The following DISC1 variants were observed in gnomAD, a reference collection of about 807,000 sequenced individuals.
The protein encoded by DISC1 is DISC1 scaffold protein, also known as disrupted in schizophrenia 1 protein.
DISC1 carries 57 observed loss-of-function variants against 84.5 expected under a neutral mutation model. The ratio of observed to expected loss-of-function variants is 0.67; its 90% CI spans 0.55 to 0.84. DISC1 has a LOEUF of 0.84. Among genes scored for constraint, DISC1 ranks in the 40% least tolerant of loss-of-function variants. The pLI is 0.00. For synonymous variants in DISC1, 411 were observed against 415.2 expected, an observed-to-expected ratio of 0.99 and a Z score of 0.12; for missense variants, 1,000 against 1,057.8, an observed-to-expected ratio of 0.95 and a Z score of 0.76.
At chr1:232,035,005 C>T (rs1209995018) in intron 12 of DISC1, among the ~76,000 whole-genome samples, 1 of 152,132 alleles carries the variant, frequency 6.6e-6, no homozygotes, top group Non-Finnish European at 1.5e-5. Flanking sequence ...AGAACCCTAG[C>T]AGTAAATGCA....
chr1:231,935,780 G>A (rs902439241), intron 9 of DISC1, among the ~76,000 whole-genome samples: 1 of 152,170 alleles, frequency 6.6e-6, no homozygotes, highest in East Asian at 1.9e-4. Flanking sequence ...AAATGTGGAC[G>A]TGCACAATGG....
intron 9 of DISC1, among the ~76,000 whole-genome samples, chr1:231,868,692 T>TTATATATATATATATATA (rs58636016): frequency 9.4e-4 from 102 of 108,806 alleles, no homozygotes; most frequent in Non-Finnish European, 1.4e-3. Context: ...ACCCCATCTC[T>TTATATATATATATATATA]TATATATATA....
chr1:231,791,054 G>A (rs980676862), intron 6 of DISC1, among the ~76,000 whole-genome samples: 1 of 152,194 alleles, frequency 6.6e-6, no homozygotes. Flanking sequence ...ATCTGCTGCT[G>A]ATGTGCGTTC....
At chr1:231,803,374 A>G (rs1283566353) in intron 8 of DISC1, among the ~76,000 whole-genome samples, 1 of 152,194 alleles carries the variant, frequency 6.6e-6, no homozygotes, top group Non-Finnish European at 1.5e-5. Flanking sequence ...TTGAAACAAC[A>G]AACCTTTATC....
At chr1:231,997,568 C>T (rs982188743) in intron 10 of DISC1, among the ~76,000 whole-genome samples, 3 of 152,074 alleles carry the variant, frequency 2.0e-5, no homozygotes, top group Admixed American at 6.6e-5. Context: ...AGAAACAAAC[C>T]CCTGCTGGCA....
chr1:231,840,502 C>G (rs1483818437), intron 9 of DISC1, among the ~76,000 whole-genome samples: 6 of 152,074 alleles, frequency 3.9e-5, no homozygotes. Flanking sequence ...TACACAACAA[C>G]CTGGCTGCAT....
At chr1:231,631,834 A>T (rs1189399814) in intron 1 of DISC1, among the ~76,000 whole-genome samples, 2 of 152,194 alleles carry the variant, frequency 1.3e-5, no homozygotes, top group Non-Finnish European at 2.9e-5. Context: ...AAATGAATTT[A>T]GTATAGCCTA....
intron 1 of DISC1, among the ~76,000 whole-genome samples, chr1:231,692,542 A>T (rs1195090439): frequency 1.3e-5 from 2 of 152,244 alleles, no homozygotes; most frequent in Non-Finnish European, 2.9e-5. Flanking sequence ...ATCTCGGCTT[A>T]ACAGGACAAA....
intron 10 of DISC1, among the ~76,000 whole-genome samples, chr1:232,008,080 G>A (rs953639015): frequency 5.9e-5 from 9 of 152,176 alleles, no homozygotes; most frequent in African/African-American, 2.2e-4. Context: ...TGAACTGTGA[G>A]TCAATTAAAC....
intron 1 of DISC1, among the ~76,000 whole-genome samples, chr1:231,636,415 G>C (rs1572356793): frequency 6.6e-6 from 1 of 152,164 alleles, no homozygotes; most frequent in Non-Finnish European, 1.5e-5. Flanking sequence ...TCGGCCTTGG[G>C]GACAGGAGGA....
At chr1:231,963,488 C>A (rs1215931153) in intron 10 of DISC1, among the ~76,000 whole-genome samples, 1 of 152,154 alleles carries the variant, frequency 6.6e-6, no homozygotes, top group Non-Finnish European at 1.5e-5. Flanking sequence ...TTTGCTCCCC[C>A]ACCCCTCTGC....
chr1:231,762,243 CT>C (rs2075784877), intron 4 of DISC1, among the ~76,000 whole-genome samples: 14 of 13,982 alleles, frequency 1.0e-3, no homozygotes, highest in East Asian at 3.6e-3. Context: ...CTTTTCTTTT[CT>C]TTTCTTTTCT....
intron 10 of DISC1, among the ~76,000 whole-genome samples, chr1:231,993,474 G>T (rs1665498796): frequency 6.6e-6 from 1 of 152,074 alleles, no homozygotes; most frequent in Non-Finnish European, 1.5e-5. Flanking sequence ...ATGTGGAGTA[G>T]TACTGGAAAT....
Position 231,749,951 on chromosome 1 carries a change from A to G in DISC1, c.1143A>G (p.Glu381=), listed in dbSNP as rs936887548. ...DKAETLQQRL[E]DLEQEKISLH... ...CTGAGACGTTACAACAAAGATTAGA[A>G]GACCTGGAACAAGAGAAAATCAGCC... The change falls in exon 4 of 13, where the codon GAA becomes GAG. Residue 381 remains glutamate, a synonymous_variant. Coordinates refer to ENST00000439617, the MANE Select transcript of DISC1 (RefSeq NM_018662.3). 1.1e-5 allele frequency: 18 copies of G among 1,614,118 alleles called. No individual in the cohort carries two copies. Among genetic ancestry groups the G allele is most frequent in the African/African-American group, 2.7e-5 (2 of 74,950 alleles).
intron 9 of DISC1, among the ~76,000 whole-genome samples, chr1:231,910,310 G>A (rs941683912): frequency 1.3e-5 from 2 of 152,142 alleles, no homozygotes; most frequent in African/African-American, 4.8e-5. Flanking sequence ...TTGTGGGCAT[G>A]TAGTGCTATA....
rs2087752905 is a variant in DISC1 at position 231,897,086 on chromosome 1, G to A, written c.1982-61742G>A. Among the ~76,000 whole-genome samples, 1 of 152,204 alleles carries A rather than the reference G, an allele frequency of 6.6e-6. No individual in the cohort carries two copies. The highest frequency in any genetic ancestry group is 1.5e-5 in the Non-Finnish European group (1 of 68,032). On this transcript the variant is annotated intron_variant, in intron 9 of 12. Coordinates refer to ENST00000439617, the MANE Select transcript of DISC1 (RefSeq NM_018662.3). This position sits in a 1 kb window ranked among gnomAD's most constrained non-coding sequence, Gnocchi z 4.5. ...GTGAAGAAGGAGCTGGAAGGGGAAGGTGGGGATTCAGTTTGCCTGGCAGGG... is the reference window on the plus strand; with the variant it reads ...GTGAAGAAGGAGCTGGAAGGGGAAGATGGGGATTCAGTTTGCCTGGCAGGG...
At chr1:231,738,496 C>T (rs1026239798) in intron 3 of DISC1, among the ~76,000 whole-genome samples, 7 of 152,194 alleles carry the variant, frequency 4.6e-5, no homozygotes, top group East Asian at 1.9e-4. Context: ...TCCTCATGAC[C>T]GGGTTCAGGT....
intron 9 of DISC1, among the ~76,000 whole-genome samples, chr1:231,953,311 T>G (rs1043088266): frequency 6.6e-6 from 1 of 152,194 alleles, no homozygotes; most frequent in Non-Finnish European, 1.5e-5. Flanking sequence ...ATTTTGCCCT[T>G]CAGTGTGAAA....
chr1:231,788,137 T>G (rs2125573928), intron 6 of DISC1, among the ~76,000 whole-genome samples: 1 of 152,142 alleles, frequency 6.6e-6, no homozygotes, highest in African/African-American at 2.4e-5. Flanking sequence ...ACCAAAAAAA[T>G]TAGCTGGGTG....
Sources: gnomAD v4.1 joint callset for allele counts (sites outside exome capture counted in the v4.1 genomes callset) on GRCh38, gnomAD v4.1.1 for gene constraint, Gnocchi (gnomAD v3.1) non-coding constraint, MANE v1.5 for transcripts, NCBI Gene and HGNC (gene_info 2026-07-23, HGNC 2026-07-21) for gene names.